Variants in TMEM63B observed in about 807,000 individuals in gnomAD.
TMEM63B encodes the protein transmembrane protein 63B, also known as mechanosensitive cation channel TMEM63B.
A neutral mutation model predicts 102.6 loss-of-function variants in TMEM63B; 23 were observed. The observed-to-expected ratio is 0.22, with a 90% CI of 0.16 to 0.32. The LOEUF is 0.32. Ranked by LOEUF, TMEM63B falls within the 10% of genes least tolerant of loss-of-function variation. TMEM63B has a pLI of 1.00. For synonymous variants in TMEM63B, 444 were observed against 437.0 expected, an observed-to-expected ratio of 1.02 and a Z score of -0.20; for missense variants, 628 against 1,095.9, an observed-to-expected ratio of 0.57 and a Z score of 6.03.
At position 44,140,995 on chromosome 6, in the gene TMEM63B, C is replaced by T. The variant is rs761280774; in HGVS notation, c.712-33C>T. ...TCCCCTGGCTCCACTGGGGTCAAGC[C>T]TCAGAAGGCAAACCCACTCCCCTGT... is the stretch of plus-strand genomic sequence containing the variant. On this transcript the variant is annotated intron_variant, in intron 9 of 23. Transcript: ENST00000323267. 10 of 1,610,898 alleles carry T rather than the reference C, an allele frequency of 6.2e-6. No homozygotes were observed. The East Asian group carries it at 6.7e-5, about 11-fold the overall frequency.
chr6:44,143,922 T>C (rs1214784131), intron 10 of TMEM63B, among the ~76,000 whole-genome samples: 1 of 152,200 alleles, frequency 6.6e-6, no homozygotes. Flanking sequence ...CCCACATTTA[T>C]TGTATACCTA....
chr6:44,140,392 TCC>T, intron 9 of TMEM63B, 32 bp downstream of exon 9: 1 of 1,556,454 alleles, frequency 6.4e-7, no homozygotes, highest in East Asian at 2.2e-5. Flanking sequence ...TCCTGCCCCA[TCC>T]CCAGCCTCTT....
intron 2 of TMEM63B, 130 bp from the exon 3 acceptor site, chr6:44,134,887 C>T: frequency 6.7e-7 from 1 of 1,491,046 alleles, no homozygotes. Context: ...CCAAGCCTCG[C>T]CTTTGACCAT....
chr6:44,148,014 T>C lies in TMEM63B; in HGVS notation c.988-238T>C, dbSNP rs1355169113. On this transcript the variant is annotated intron_variant, in intron 12 of 23. Coordinates refer to ENST00000323267, the MANE Select transcript of TMEM63B (RefSeq NM_018426.3). This position sits in a 1 kb window ranked among gnomAD's most constrained non-coding sequence, Gnocchi z 5.1. ...ACTGCACACATGTATTCCCAGCCACTTGGGAGGCTGAGGTGGGAGGGTCAC... is the reference window on the plus strand; with the variant it reads ...ACTGCACACATGTATTCCCAGCCACCTGGGAGGCTGAGGTGGGAGGGTCAC... Among the ~76,000 whole-genome samples, 4 of 152,146 alleles carry C rather than the reference T, an allele frequency of 2.6e-5. No homozygotes were observed. The South Asian group carries it at 8.3e-4, about 32-fold the overall frequency.
intron 10 of TMEM63B, among the ~76,000 whole-genome samples, chr6:44,144,752 A>C (rs1218292875): frequency 3.3e-5 from 5 of 150,860 alleles, no homozygotes; most frequent in Non-Finnish European, 7.4e-5. Flanking sequence ...ACTCACCACC[A>C]CACCTGGCTA....
intron 10 of TMEM63B, 130 bp from the exon 11 acceptor site, chr6:44,146,717 C>G (rs1052144263): frequency 3.2e-6 from 3 of 941,272 alleles, no homozygotes; most frequent in Non-Finnish European, 5.1e-6. Context: ...CCCCAAAGTG[C>G]TGGGATTACA....
chr6:44,153,466 C>T (rs1767239661), intron 20 of TMEM63B, among the ~76,000 whole-genome samples: 1 of 152,188 alleles, frequency 6.6e-6, no homozygotes, highest in African/African-American at 2.4e-5. Context: ...AGTAGAATTC[C>T]TGATGAGGAG....
chr6:44,138,290 G>T, intron 5 of TMEM63B, 190 bp from the exon 6 acceptor site: 2 of 649,336 alleles, frequency 3.1e-6, no homozygotes, highest in East Asian at 2.7e-5. Flanking sequence ...TTTCTTTGAG[G>T]GCTGAGACCT....
At chr6:44,146,823 G>A in intron 10 of TMEM63B, 24 bp from the exon 11 acceptor site, 1 of 1,613,198 alleles carries the variant, frequency 6.2e-7, no homozygotes, top group Non-Finnish European at 8.5e-7. Flanking sequence ...CCCTGCACAA[G>A]ATGATACATG....
At chr6:44,137,054 A>C (rs146418109) in intron 5 of TMEM63B, among the ~76,000 whole-genome samples, 1 of 150,246 alleles carries the variant, frequency 6.7e-6, no homozygotes, top group South Asian at 2.1e-4. Flanking sequence ...CAAAACAAAC[A>C]AAAAAAAGAA....
At position 44,152,620 on chromosome 6, in the gene TMEM63B, G is replaced by T; in HGVS notation, c.1864G>T (p.Ala622Ser). 5 of 1,608,326 alleles carry T rather than the reference G, an allele frequency of 3.1e-6. No individual in the cohort carries two copies. The highest frequency in any genetic ancestry group is 4.2e-6 in the Non-Finnish European group (5 of 1,179,816). ...TCAGGCCTACGAGTTCCAGTTTGGC[G>T]CAGCCTACGCCTGGATGATGTGCGT... ...RHQAYEFQFG[A>S]AYAWMMCVFT... Residue 622 changes from alanine to serine, a missense_variant, in exon 20 of 24, where the codon GCA (alanine) becomes TCA (serine). By Grantham distance (99) the Ala-to-Ser change is moderately conservative. This residue lies in a region of TMEM63B where 90 missense variants were observed against 136.7 expected (regional missense o/e 0.66). Coordinates refer to ENST00000323267, the MANE Select transcript of TMEM63B (RefSeq NM_018426.3). This position sits in a 1 kb window ranked among gnomAD's most constrained non-coding sequence, Gnocchi z 6.4.
At chr6:44,129,161 A>C (rs1582748812) in intron 1 of TMEM63B, among the ~76,000 whole-genome samples, 2 of 152,298 alleles carry the variant, frequency 1.3e-5, no homozygotes, top group African/African-American at 4.8e-5. Context: ...TGAGGTCAGG[A>C]GTTCGAGACC....
chr6:44,132,538 A>C (rs933812105), intron 1 of TMEM63B, among the ~76,000 whole-genome samples: 1 of 152,084 alleles, frequency 6.6e-6, no homozygotes, highest in Non-Finnish European at 1.5e-5. Flanking sequence ...AGAATTGAGA[A>C]AGGGGGACTA....
chr6:44,154,466 G>A, intron 23 of TMEM63B, 21 bp downstream of exon 23: 2 of 1,613,654 alleles, frequency 1.2e-6, no homozygotes, highest in Non-Finnish European at 1.7e-6. Flanking sequence ...TCAAGGGTTG[G>A]GAGGGGCCTC....
chr6:44,151,867 C>T lies in TMEM63B; in HGVS notation c.1695C>T (p.Asn565=), dbSNP rs139920210. The T allele has an allele frequency of 1.2e-3, 2,000 of 1,611,898 alleles. 1 individual carries two copies. The highest frequency in any genetic ancestry group is 1.6e-3 in the Non-Finnish European group (1,906 of 1,179,190). ...IRFECVFLPD[N]GAFFVNYVIA... ...GCAGGTGTGTGTTCCTGCCCGACAACGGCGCCTTCTTCGTGAACTACGTCA... is the reference window on the plus strand; with the variant it reads ...GCAGGTGTGTGTTCCTGCCCGACAATGGCGCCTTCTTCGTGAACTACGTCA... The change falls in exon 19 of 24, where the codon AAC becomes AAT. Residue 565 remains asparagine, a synonymous_variant. Coordinates refer to ENST00000323267, the MANE Select transcript of TMEM63B (RefSeq NM_018426.3).
chr6:44,145,455 G>T (rs1331722868), intron 10 of TMEM63B, among the ~76,000 whole-genome samples: 3 of 151,540 alleles, frequency 2.0e-5, no homozygotes, highest in Non-Finnish European at 4.4e-5. Flanking sequence ...AGCCGGGTGT[G>T]GTGGCACACA....
At chr6:44,142,122 A>G (rs1764390612) in intron 10 of TMEM63B, among the ~76,000 whole-genome samples, 1 of 148,050 alleles carries the variant, frequency 6.8e-6, no homozygotes, top group Non-Finnish European at 1.5e-5. Flanking sequence ...CCTGTTTCAA[A>G]TGTTTCAAAA....
In TMEM63B at chr6:44,134,624, C is replaced by T. The variant is rs759200527; in HGVS notation, c.40C>T (p.Leu14Phe). The change falls in exon 2 of 24, where the codon CTC (leucine) becomes TTC (phenylalanine). Residue 14 changes from leucine to phenylalanine, a missense_variant. This residue lies in a region of TMEM63B where 336 missense variants were observed against 580.3 expected (regional missense o/e 0.58). Transcript: ENST00000323267. ...GCTGGCCACACTGGGCACCACAGCC[C>T]TCAACAACAGCAACCCCAAGGACTA... is the stretch of plus-strand genomic sequence containing the variant. ...FLLATLGTTA[L>F]NNSNPKDYCY... is the part of the protein sequence containing the mutation. 60 of 1,614,056 alleles carry T rather than the reference C, an allele frequency of 3.7e-5. 1 individual carries two copies. The South Asian group carries it at 6.5e-4, about 17-fold the overall frequency.
At chr6:44,154,654 A>G in intron 23 of TMEM63B, 38 bp from the exon 24 acceptor site, 1 of 1,527,632 alleles carries the variant, frequency 6.5e-7, no homozygotes, top group Non-Finnish European at 8.8e-7. Context: ...CATGAGGGGC[A>G]GCTGTTCACC....
Sources: gnomAD v4.1 joint callset for allele counts (sites outside exome capture counted in the v4.1 genomes callset) on GRCh38, gnomAD v4.1.1 for gene constraint, gnomAD v4.1.1 regional missense constraint, Gnocchi (gnomAD v3.1) non-coding constraint, MANE v1.5 for transcripts, NCBI Gene and HGNC (gene_info 2026-07-23, HGNC 2026-07-21) for gene names.